IGHMBP2: variants seen among roughly 807,000 people sequenced by gnomAD.
IGHMBP2 encodes the protein immunoglobulin mu DNA binding protein 2.
Under a neutral mutation model 96.0 loss-of-function variants are expected in IGHMBP2, and 81 were observed. The ratio of observed to expected loss-of-function variants is 0.84; its 90% confidence interval spans 0.71 to 1.01. IGHMBP2 has a LOEUF of 1.01. Ranked by LOEUF, IGHMBP2 falls within the 50% of genes least tolerant of loss-of-function variation. IGHMBP2 has a pLI of 0.00. For missense variants in IGHMBP2, 1,227 were observed against 1,306.3 expected (o/e 0.94, Z 0.94); for synonymous variants, 557 against 548.9 (o/e 1.01, Z -0.21).
chr11:68,922,354 C>G (rs1858910218), intron 7 of IGHMBP2, among the ~76,000 whole-genome samples: 1 of 151,912 alleles, frequency 6.6e-6, no homozygotes. Context: ...TTCTTTATCA[C>G]TGGTTTTAAG....
chr11:68,936,492 C>G lies in IGHMBP2; in HGVS notation c.2012C>G (p.Thr671Arg), dbSNP rs377743886. 2 of 1,613,782 alleles carry G rather than the reference C, an allele frequency of 1.2e-6. No individual in the cohort carries two copies. The highest frequency in any genetic ancestry group is 1.7e-6 in the Non-Finnish European group (2 of 1,179,964). The change falls in exon 13 of 15, where the codon ACG (threonine) becomes AGG (arginine). Residue 671 changes from threonine (T) to arginine (R), a missense_variant. Around this residue, in one of 3 missense-constraint regions of IGHMBP2, gnomAD observed 703 missense variants for 770.3 expected, o/e 0.91. Coordinates refer to ENST00000255078, the MANE Select transcript of IGHMBP2 (RefSeq NM_002180.3). The part of the protein sequence containing the change: ...HAATKPQGPA[T>R]STRTGSQRQE... The stretch of plus-strand genomic sequence containing the variant: ...GCCACCAAGCCCCAGGGACCTGCTA[C>G]GTCCACCAGGACCGGAAGCCAGCGG...
chr11:68,930,551 T>C, intron 8 of IGHMBP2: 2 of 1,206,604 alleles, frequency 1.7e-6, no homozygotes, highest in Non-Finnish European at 2.1e-6. Flanking sequence ...TGAAAGATCG[T>C]CCTGGTGGGA....
Position 68,936,877 on chromosome 11 carries a change from C to A in IGHMBP2, c.2397C>A (p.Thr799=). Reference sequence around the variant, plus strand: ...CAGCCCTGGGACCCCCAGCAGGGACCGGTGGCCCAGCCCCTCTCCAGCCAG... The same window carrying A: ...CAGCCCTGGGACCCCCAGCAGGGACAGGTGGCCCAGCCCCTCTCCAGCCAG... The part of the protein sequence containing the change: ...PRAALGPPAG[T]GGPAPLQPVP... Residue 799 remains threonine (T), a synonymous_variant, in exon 13 of 15, where the codon ACC becomes ACA. Transcript: ENST00000255078. 6.2e-7 allele frequency: 1 copy of A among 1,610,868 alleles called. No individual in the cohort carries two copies.
At chr11:68,909,186 GGA>G (rs201960738) in intron 4 of IGHMBP2, among the ~76,000 whole-genome samples, 28,114 of 99,330 alleles carry the variant, frequency 0.28, 4,905 homozygotes, top group South Asian at 0.44. Flanking sequence ...CGGGGGGGGT[GGA>G]GGGGGGGGGC....
intron 7 of IGHMBP2, among the ~76,000 whole-genome samples, chr11:68,924,092 A>T (rs1365383401): frequency 6.6e-6 from 1 of 152,138 alleles, no homozygotes; most frequent in Non-Finnish European, 1.5e-5. Flanking sequence ...CCTGTTGTCT[A>T]GTGTCCTGAA....
intron 10 of IGHMBP2, chr11:68,934,177 A>G (rs1185534059): frequency 2.8e-5 from 17 of 610,012 alleles, no homozygotes; most frequent in Non-Finnish European, 5.0e-5. Flanking sequence ...TGGTCTGGTG[A>G]TGGGAACTGT....
chr11:68,922,696 A>G (rs2154007802), intron 7 of IGHMBP2, among the ~76,000 whole-genome samples: 1 of 152,292 alleles, frequency 6.6e-6, no homozygotes, highest in Non-Finnish European at 1.5e-5. Context: ...ACCCGGCCTC[A>G]TGTTTTTTAA....
At chr11:68,935,793 G>A (rs1041435239) in intron 12 of IGHMBP2, among the ~76,000 whole-genome samples, 3 of 152,252 alleles carry the variant, frequency 2.0e-5, no homozygotes, top group Non-Finnish European at 4.4e-5. Context: ...GCTGTGGTGT[G>A]TGGGCTTTCC....
At chr11:68,927,216 G>A (rs1264540617) in intron 7 of IGHMBP2, among the ~76,000 whole-genome samples, 3 of 152,242 alleles carry the variant, frequency 2.0e-5, no homozygotes, top group Non-Finnish European at 4.4e-5. Context: ...CCCGGGGTTT[G>A]TTGTTGTTGC....
chr11:68,908,610 C>G lies in IGHMBP2; in HGVS notation c.526C>G (p.Pro176Ala). The G allele has an allele frequency of 6.2e-7, 1 of 1,612,004 alleles. No homozygotes were observed. Among genetic ancestry groups the G allele is most frequent in the South Asian group, 1.1e-5 (1 of 91,040 alleles). ...AGAAGTGCTCTTTGGCAGATCTGCTCCCAGTCCTGCCAGTGAAATACGTAA... is the reference window on the plus strand; with the variant it reads ...AGAAGTGCTCTTTGGCAGATCTGCTGCCAGTCCTGCCAGTGAAATACGTAA... ...LIEVLFGRSAPSPASEIHPLT... is the reference protein window; with the variant it reads ...LIEVLFGRSAASPASEIHPLT... Residue 176 changes from proline (P) to alanine (A), a missense_variant, in exon 4 of 15, where the codon CCC becomes GCC. Coordinates refer to ENST00000255078, the MANE Select transcript of IGHMBP2 (RefSeq NM_002180.3).
In IGHMBP2 at chr11:68,921,751, G is replaced by A. The variant is rs76704010; in HGVS notation, c.1060+3868G>A. Among the ~76,000 whole-genome samples, 413 of 152,132 alleles carry A rather than the reference G, an allele frequency of 2.7e-3. 2 individuals carry two copies. Among genetic ancestry groups the A allele is most frequent in the African/African-American group, 9.4e-3 (389 of 41,480 alleles). On this transcript the variant is annotated intron_variant, in intron 7 of 14. Coordinates refer to ENST00000255078, the MANE Select transcript of IGHMBP2 (RefSeq NM_002180.3). Reference sequence around the variant, plus strand: ...TTTGGTTTAGGTCGTGTATTTCCACGTGGCATCATTTTCCTTCCACCTGAA... The same window carrying A: ...TTTGGTTTAGGTCGTGTATTTCCACATGGCATCATTTTCCTTCCACCTGAA...
intron 7 of IGHMBP2, among the ~76,000 whole-genome samples, chr11:68,927,233 T>C (rs1411366524): frequency 6.6e-6 from 1 of 152,248 alleles, no homozygotes; most frequent in East Asian, 1.9e-4. Flanking sequence ...TTGCCACTTG[T>C]TGTTTGTTTA....
chr11:68,927,127 G>T (rs1859102177), intron 7 of IGHMBP2, among the ~76,000 whole-genome samples: 1 of 152,146 alleles, frequency 6.6e-6, no homozygotes, highest in Admixed American at 6.5e-5. Flanking sequence ...CTCTCTACGT[G>T]CCTTGTAGTT....
intron 7 of IGHMBP2, among the ~76,000 whole-genome samples, chr11:68,926,590 A>G (rs977303835): frequency 1.3e-5 from 2 of 151,920 alleles, no homozygotes; most frequent in Admixed American, 6.6e-5. Context: ...TTTTTAAAAA[A>G]TTATTCCTGT....
chr11:68,908,002 T>C, intron 2 of IGHMBP2, 143 bp from the exon 3 acceptor site: 1 of 776,504 alleles, frequency 1.3e-6, no homozygotes, highest in Non-Finnish European at 2.2e-6. Context: ...CTTACTTTCT[T>C]TTTTTTTTTT....
chr11:68,922,366 A>G (rs1486463011), intron 7 of IGHMBP2, among the ~76,000 whole-genome samples: 1 of 151,902 alleles, frequency 6.6e-6, no homozygotes, highest in African/African-American at 2.4e-5. Flanking sequence ...GGTTTTAAGC[A>G]ATTTGACTAT....
intron 8 of IGHMBP2, chr11:68,930,344 C>G: frequency 7.8e-7 from 1 of 1,289,754 alleles, no homozygotes; most frequent in Non-Finnish European, 1.0e-6. Flanking sequence ...TCGGAACTTT[C>G]GTTGTTTTCC....
In IGHMBP2 at chr11:68,933,311, A is replaced by G; in HGVS notation, c.1248A>G (p.Ala416=). Residue 416 remains alanine, a synonymous_variant, in exon 9 of 15, where the codon GCA becomes GCG. Transcript: ENST00000255078. ...CTCCTGGGCGCAGGGCTGCGCTGGCAGGACTGTCACTCAGCCTGATGGAAC... is the reference window on the plus strand; with the variant it reads ...CTCCTGGGCGCAGGGCTGCGCTGGCGGGACTGTCACTCAGCCTGATGGAAC... ...PTTVSHKAAL[A]GLSLSLMERL... 6.2e-7 allele frequency: 1 copy of G among 1,612,696 alleles called. No homozygotes were observed. Among genetic ancestry groups the G allele is most frequent in the Non-Finnish European group, 8.5e-7 (1 of 1,179,808 alleles).
In IGHMBP2 at chr11:68,934,458, C is replaced by T. The variant is rs1859444423; in HGVS notation, c.1538-6C>T. 6.2e-7 allele frequency: 1 copy of T among 1,601,782 alleles called. No homozygotes were observed. The highest frequency in any genetic ancestry group is 8.5e-7 in the Non-Finnish European group (1 of 1,173,332). On this transcript the variant is annotated splice_region_variant and splice_polypyrimidine_tract_variant and intron_variant, in intron 10 of 14. Coordinates refer to ENST00000255078, the MANE Select transcript of IGHMBP2 (RefSeq NM_002180.3). ...TGCTGCTCACCCGTTCTTTCTTTCC[C>T]TCCAGGCGAAGTCCGCCTCGTCAGT... is the stretch of plus-strand genomic sequence containing the variant.
Sources: allele counts gnomAD v4.1 joint callset (sites outside exome capture counted in the v4.1 genomes callset), GRCh38; gene constraint gnomAD v4.1.1; regional missense constraint gnomAD v4.1.1; transcripts MANE v1.5; gene names NCBI Gene and HGNC (gene_info 2026-07-23, HGNC 2026-07-21).